Variants in PCF11 observed in about 807,000 individuals in gnomAD.
The protein encoded by PCF11 is PCF11 cleavage and polyadenylation factor subunit.
PCF11 carries 19 observed loss-of-function variants against 166.1 expected under a neutral mutation model. The observed-to-expected ratio is 0.11, with a 90% CI of 0.08 to 0.17. PCF11 has a LOEUF of 0.17. Among genes scored for constraint, PCF11 ranks in the 10% least tolerant of loss-of-function variants. The pLI is 1.00. For synonymous variants in PCF11, 663 were observed against 644.1 expected, an observed-to-expected ratio of 1.03 and a Z score of -0.44; for missense variants, 1,565 against 1,855.5, an observed-to-expected ratio of 0.84 and a Z score of 2.88.
At chr11:83,159,837 CAA>C (rs952898824) in intron 1 of PCF11, among the ~76,000 whole-genome samples, 2 of 152,124 alleles carry the variant, frequency 1.3e-5, no homozygotes, top group Admixed American at 6.6e-5. Flanking sequence ...TGACTCCTCC[CAA>C]GAGAGAGCAG....
intron 5 of PCF11, 150 bp downstream of exon 5, chr11:83,166,864 T>C (rs1159040389): frequency 5.4e-6 from 4 of 747,320 alleles, no homozygotes; most frequent in Non-Finnish European, 6.4e-6. Flanking sequence ...ACTATTATTA[T>C]TTCTATTTTA....
chr11:83,172,157 G>A (rs1860711895), intron 9 of PCF11, among the ~76,000 whole-genome samples: 1 of 152,178 alleles, frequency 6.6e-6, no homozygotes, highest in South Asian at 2.1e-4. Context: ...TAAACAAAGG[G>A]AAGGAAACCT....
At position 83,165,155 on chromosome 11, in the gene PCF11, T is replaced by G. The variant is rs1458023044; in HGVS notation, c.703-445T>G. Among the ~76,000 whole-genome samples the G allele has an allele frequency of 2.0e-5, 3 of 152,328 alleles. No individual in the cohort carries two copies. The East Asian group carries it at 5.8e-4, about 29-fold the overall frequency. ...AAGTTATTTTGCTTAGCATCTGAGC[T>G]TATTCGACAGTGAGGTGCAGGAAGG... On this transcript the variant is annotated intron_variant, in intron 4 of 15. Transcript: ENST00000298281.
exon 10 of PCF11, chr11:83,177,202 C>A (rs1362032513): frequency 6.5e-7 from 1 of 1,539,142 alleles, no homozygotes; most frequent in South Asian, 1.3e-5. Context: ...TCAGCTACAA[C>A]ACGTAAGTGT....
chr11:83,185,782 AATG>A (rs1216344670), exon 16 of PCF11: 1 of 152,554 alleles, frequency 6.6e-6, no homozygotes, highest in Non-Finnish European at 1.5e-5. Context: ...TAATAAATAG[AATG>A]ATGAAGAAAC....
chr11:83,162,902 G>A (rs1215138713), intron 2 of PCF11, among the ~76,000 whole-genome samples: 1 of 152,146 alleles, frequency 6.6e-6, no homozygotes, highest in Non-Finnish European at 1.5e-5. Context: ...AGCCTCCCGA[G>A]TAGCTGGGAT....
chr11:83,178,524 G>A (rs1020933588), intron 11 of PCF11, among the ~76,000 whole-genome samples: 2 of 151,760 alleles, frequency 1.3e-5, no homozygotes. Context: ...GGCTGGGCGC[G>A]GTGGCTCACT....
At chr11:83,170,129 C>A in intron 8 of PCF11, 134 bp downstream of exon 8, 1 of 691,216 alleles carries the variant, frequency 1.4e-6, no homozygotes, top group Non-Finnish European at 2.2e-6. Context: ...AAGCCACATG[C>A]TAAGGAAGTG....
At chr11:83,169,016 CTCATGG>C (rs771730795) in exon 8 of PCF11, 3 of 1,613,730 alleles carry the variant, frequency 1.9e-6, no homozygotes, top group Non-Finnish European at 2.5e-6. Context: ...TTTGAGGGAC[CTCATGG>C]TCAGCCTGTG....
exon 8 of PCF11, chr11:83,169,143 G>C: frequency 3.7e-6 from 6 of 1,613,752 alleles, no homozygotes; most frequent in Non-Finnish European, 5.1e-6. Flanking sequence ...CTCATGGTCA[G>C]CCAGGAGGTG....
At chr11:83,171,710 A>G in intron 8 of PCF11, 108 bp from the exon 9 acceptor site, 3 of 693,714 alleles carry the variant, frequency 4.3e-6, no homozygotes, top group Middle Eastern at 3.6e-4. Flanking sequence ...ATCTTTATTT[A>G]TAAGCCAGGC....
chr11:83,162,813 T>A (rs1169682520), intron 2 of PCF11, among the ~76,000 whole-genome samples: 1 of 152,234 alleles, frequency 6.6e-6, no homozygotes, highest in African/African-American at 2.4e-5. Flanking sequence ...TTGCTCTTGT[T>A]GCCCAAGCTG....
chr11:83,177,642 C>A, intron 10 of PCF11, 72 bp from the exon 11 acceptor site: 1 of 712,478 alleles, frequency 1.4e-6, no homozygotes, highest in Non-Finnish European at 2.3e-6. Context: ...GCTTATAATA[C>A]TATAGTGTTC....
At chr11:83,181,520 T>G (rs1861086528) in intron 12 of PCF11, among the ~76,000 whole-genome samples, 1 of 101,912 alleles carries the variant, frequency 9.8e-6, no homozygotes, top group African/African-American at 8.4e-5. Flanking sequence ...TGAAGGGAAT[T>G]TTTTTTTTTT....
chr11:83,169,171 C>G (rs769720822), exon 8 of PCF11: 2 of 1,613,224 alleles, frequency 1.2e-6, no homozygotes, highest in Non-Finnish European at 1.7e-6. Flanking sequence ...ATTTGAGGGC[C>G]CTTTGCTACA....
chr11:83,167,066 G>T lies in PCF11; in HGVS notation c.1818-59G>T. ...TCCTTTGAAAAGAATCTTTAAATAT[G>T]GTCCTGAGTATTTTTTAAAAAAACA... On this transcript the variant is annotated intron_variant, in intron 5 of 15. Coordinates refer to ENST00000298281, the Ensembl canonical transcript of PCF11. The surrounding 1 kb of genome is among the most constrained non-coding windows in gnomAD (Gnocchi z 4.2). 1 of 1,292,582 alleles carries T rather than the reference G, an allele frequency of 7.7e-7. No individual in the cohort carries two copies. The highest frequency in any genetic ancestry group is 1.1e-6 in the Non-Finnish European group (1 of 921,264). The allele number at this position is 1,292,582 out of a possible 1,614,324, so 80.1% of individuals were successfully genotyped here.
exon 5 of PCF11, chr11:83,166,319 G>A (rs181182830): frequency 3.1e-6 from 5 of 1,613,700 alleles, no homozygotes; most frequent in South Asian, 1.1e-5. Context: ...CAGGGAGATC[G>A]AGTACTAGAA....
Position 83,165,801 on chromosome 11 carries a change from A to T in PCF11, c.904A>T (p.Ile302Leu). 6.2e-7 allele frequency: 1 copy of T among 1,611,714 alleles called. No homozygotes were observed. ...TAACCGGGATCCTCGTCTGAACAGG[A>T]TAAGCCAACATTCTCATGGAAAAGA... Residue 302 changes from isoleucine to leucine, a missense_variant, in exon 5 of 16, where the codon ATA becomes TTA. Ile to Leu is a conservative substitution (Grantham distance 5). Coordinates refer to ENST00000298281, the Ensembl canonical transcript of PCF11.
intron 9 of PCF11, 119 bp downstream of exon 9, chr11:83,172,033 T>C (rs1860708193): frequency 1.1e-5 from 7 of 626,696 alleles, no homozygotes; most frequent in Non-Finnish European, 1.4e-5. Context: ...TTTAGAGAAA[T>C]TTAATCTGGC....
Sources: allele counts gnomAD v4.1 joint callset (sites outside exome capture counted in the v4.1 genomes callset), GRCh38; gene constraint gnomAD v4.1.1; non-coding constraint Gnocchi (gnomAD v3.1); transcripts MANE v1.5; gene names NCBI Gene and HGNC (gene_info 2026-07-23, HGNC 2026-07-21).